The following KCNIP1 variants were observed in gnomAD, a reference collection of about 807,000 sequenced individuals.
KCNIP1 encodes the protein A-type potassium channel modulatory protein KCNIP1.
KCNIP1 carries 18 observed loss-of-function variants against 33.0 expected under a neutral mutation model. The observed-to-expected ratio is 0.55, with a 90% confidence interval of 0.38 to 0.81. The LOEUF is 0.81. Ranked by LOEUF, KCNIP1 falls within the 30% of genes least tolerant of loss-of-function variation. KCNIP1 has a pLI of 0.00. For missense variants in KCNIP1, 238 were observed against 271.6 expected (o/e 0.88, Z 0.87); for synonymous variants, 93 against 98.3 (o/e 0.95, Z 0.32).
At chr5:170,594,131 T>C (rs952782294) in intron 1 of KCNIP1, among the ~76,000 whole-genome samples, 1 of 152,192 alleles carries the variant, frequency 6.6e-6, no homozygotes, top group African/African-American at 2.4e-5. Flanking sequence ...CAGCTAGAGA[T>C]TGGCAACCCC....
intron 1 of KCNIP1, among the ~76,000 whole-genome samples, chr5:170,432,391 C>A (rs1301988964): frequency 2.0e-5 from 3 of 152,176 alleles, no homozygotes; most frequent in African/African-American, 7.2e-5. Context: ...CTAACCTAAT[C>A]CTTAGTTAAT....
At chr5:170,405,506 G>A (rs967043231) in intron 1 of KCNIP1, among the ~76,000 whole-genome samples, 2 of 152,204 alleles carry the variant, frequency 1.3e-5, no homozygotes, top group African/African-American at 4.8e-5. Context: ...GCCCAGCTGA[G>A]AAGAGGGATT....
chr5:170,569,288 A>AC (rs1757313218), intron 1 of KCNIP1, among the ~76,000 whole-genome samples: 1 of 152,016 alleles, frequency 6.6e-6, no homozygotes, highest in Non-Finnish European at 1.5e-5. Context: ...CAAAATCTGC[A>AC]CCCCCACCCC....
intron 1 of KCNIP1, among the ~76,000 whole-genome samples, chr5:170,542,372 C>T (rs1244097597): frequency 6.6e-6 from 1 of 152,166 alleles, no homozygotes; most frequent in African/African-American, 2.4e-5. Flanking sequence ...TAGACCTCAG[C>T]TTTTAAATCT....
At chr5:170,732,733 C>A (rs570274435) in intron 5 of KCNIP1, 67 bp from the exon 6 acceptor site, 30 of 1,047,972 alleles carry the variant, frequency 2.9e-5, no homozygotes, top group Non-Finnish European at 4.3e-5. Context: ...GAGCCCCAAA[C>A]TCTGTCACCT....
intron 1 of KCNIP1, among the ~76,000 whole-genome samples, chr5:170,543,175 A>G (rs1306025406): frequency 6.6e-6 from 1 of 152,190 alleles, no homozygotes; most frequent in Non-Finnish European, 1.5e-5. Flanking sequence ...TTAAGTTTCA[A>G]CATATGAATA....
Position 170,640,512 on chromosome 5 carries a change from G to C in KCNIP1, c.62-78246G>C, listed in dbSNP as rs575734517. Among the ~76,000 whole-genome samples, 3 of 152,290 alleles carry C rather than the reference G, an allele frequency of 2.0e-5. No homozygotes were observed. The South Asian group carries it at 6.2e-4, about 32-fold the overall frequency. Reference sequence around the variant, plus strand: ...CCCAAATTACATAGGCCAATATCCAGAGCTGGGTTAAAATGAAGCATTTCG... The same window carrying C: ...CCCAAATTACATAGGCCAATATCCACAGCTGGGTTAAAATGAAGCATTTCG... On this transcript the variant is annotated intron_variant, in intron 1 of 7. Coordinates refer to ENST00000328939, the MANE Select transcript of KCNIP1 (RefSeq NM_014592.4).
intron 1 of KCNIP1, among the ~76,000 whole-genome samples, chr5:170,593,703 C>T (rs1758346066): frequency 6.6e-6 from 1 of 152,170 alleles, no homozygotes; most frequent in Admixed American, 6.5e-5. Flanking sequence ...AGCGAGACAT[C>T]ATCCCCGGCT....
At chr5:170,712,569 GT>G (rs1307118032) in intron 1 of KCNIP1, among the ~76,000 whole-genome samples, 5 of 152,216 alleles carry the variant, frequency 3.3e-5, no homozygotes, top group African/African-American at 1.2e-4. Context: ...TCTCTGCCAT[GT>G]GCCATCCCAT....
chr5:170,625,038 C>A (rs1045565697), intron 1 of KCNIP1, among the ~76,000 whole-genome samples: 1 of 152,058 alleles, frequency 6.6e-6, no homozygotes, highest in African/African-American at 2.4e-5. Context: ...TGGATGCCCT[C>A]GTGAGCTGAG....
At chr5:170,674,307 G>C (rs1370648624) in intron 1 of KCNIP1, among the ~76,000 whole-genome samples, 1 of 152,064 alleles carries the variant, frequency 6.6e-6, no homozygotes, top group African/African-American at 2.4e-5. Flanking sequence ...ATCCCTTCTA[G>C]ACAAAGAAGG....
At position 170,390,517 on chromosome 5, in the gene KCNIP1, A is replaced by AAAAAAAAAAAATATATATATAT; in HGVS notation, c.88+36554_88+36555insAAAAAAAAAATATATATATATA. ...GACCCCGTCTCAAAAAAAAAAAACA[A>AAAAAAAAAAAATATATATATAT]ATATATATATATATATATATATTTT... On this transcript the variant is annotated intron_variant, in intron 1 of 7. Transcript: ENST00000377360. 6.0e-4 allele frequency among the ~76,000 whole-genome samples: 45 copies of AAAAAAAAAAAATATATATATAT among 74,500 alleles called. 3 individuals carry two copies. Among genetic ancestry groups the AAAAAAAAAAAATATATATATAT allele is most frequent in the South Asian group, 1.3e-3 (3 of 2,266 alleles). 48.9% of individuals were successfully genotyped at this position (74,500 alleles called of 152,430 possible).
intron 1 of KCNIP1, among the ~76,000 whole-genome samples, chr5:170,655,891 C>T (rs1201203961): frequency 6.6e-6 from 1 of 152,200 alleles, no homozygotes; most frequent in African/African-American, 2.4e-5. Flanking sequence ...GGCCACCCGG[C>T]AAGAAATTAG....
chr5:170,598,784 T>A (rs1213642965), intron 1 of KCNIP1, among the ~76,000 whole-genome samples: 1 of 152,108 alleles, frequency 6.6e-6, no homozygotes, highest in Non-Finnish European at 1.5e-5. Context: ...GCAGAGGCCA[T>A]GTAGGGGCAG....
intron 1 of KCNIP1, among the ~76,000 whole-genome samples, chr5:170,654,493 G>A (rs888548761): frequency 6.6e-6 from 1 of 152,164 alleles, no homozygotes; most frequent in African/African-American, 2.4e-5. Flanking sequence ...CTGAATCTGG[G>A]TCATTACAGT....
chr5:170,605,019 C>T (rs1758849624), intron 1 of KCNIP1, among the ~76,000 whole-genome samples: 1 of 152,262 alleles, frequency 6.6e-6, no homozygotes, highest in Non-Finnish European at 1.5e-5. Context: ...CATGTCCACC[C>T]AACCTGCAGG....
chr5:170,518,476 G>A (rs1221503604), intron 1 of KCNIP1, among the ~76,000 whole-genome samples: 1 of 152,206 alleles, frequency 6.6e-6, no homozygotes, highest in African/African-American at 2.4e-5. Context: ...ACAGTGCCAT[G>A]GCTGGTACAT....
chr5:170,428,937 C>G (rs965099696), intron 1 of KCNIP1, among the ~76,000 whole-genome samples: 7 of 151,996 alleles, frequency 4.6e-5, no homozygotes, highest in African/African-American at 1.7e-4. Flanking sequence ...GGAGAACTTG[C>G]TGCTTCTGGA....
intron 1 of KCNIP1, among the ~76,000 whole-genome samples, chr5:170,412,557 G>A (rs989933843): frequency 1.2e-4 from 18 of 152,142 alleles, no homozygotes; most frequent in African/African-American, 4.3e-4. Flanking sequence ...TGTGACTTCT[G>A]GAGATTTGCC....
Sources: gnomAD v4.1 joint callset for allele counts (sites outside exome capture counted in the v4.1 genomes callset) on GRCh38, gnomAD v4.1.1 for gene constraint, MANE v1.5 for transcripts, NCBI Gene and HGNC (gene_info 2026-07-23, HGNC 2026-07-21) for gene names.